FGGY: variants seen among roughly 807,000 people sequenced by gnomAD.
FGGY encodes the protein FGGY carbohydrate kinase domain-containing protein.
In FGGY, 72 loss-of-function variants were observed where a neutral mutation model predicts 71.3. The observed-to-expected ratio is 1.01, with a 90% confidence interval of 0.84 to 1.23. The LOEUF (loss-of-function observed/expected upper bound fraction) is 1.23. Among genes scored for constraint, FGGY ranks in the 50% most tolerant of loss-of-function variants. The pLI, the probability that FGGY is intolerant of heterozygous loss-of-function variation, is 0.00. For missense variants in FGGY, 668 were observed against 682.3 expected, an observed-to-expected ratio of 0.98 and a Z score of 0.23; for synonymous variants, 251 against 250.3, an observed-to-expected ratio of 1.00 and a Z score of -0.02.
chr1:59,438,607 T>A (rs2069040820), intron 5 of FGGY, among the ~76,000 whole-genome samples: 1 of 152,226 alleles, frequency 6.6e-6, no homozygotes, highest in African/African-American at 2.4e-5. Flanking sequence ...TAGTTCCCTG[T>A]GGATTCATTA....
chr1:59,572,034 G>A (rs893192643), intron 8 of FGGY, among the ~76,000 whole-genome samples: 2 of 152,192 alleles, frequency 1.3e-5, no homozygotes, highest in African/African-American at 4.8e-5. Flanking sequence ...GATGCTTTCA[G>A]GAAGAGCTTG....
At chr1:59,433,699 A>G (rs1195081631) in intron 5 of FGGY, among the ~76,000 whole-genome samples, 1 of 152,212 alleles carries the variant, frequency 6.6e-6, no homozygotes, top group African/African-American at 2.4e-5. Flanking sequence ...CTGGTGACAC[A>G]TAGAGCCCAA....
intron 9 of FGGY, among the ~76,000 whole-genome samples, chr1:59,623,648 C>T (rs527269013): frequency 1.0e-3 from 152 of 152,310 alleles, no homozygotes; most frequent in African/African-American, 3.5e-3. Context: ...TGCCTTGCCT[C>T]TAGCCCTTTA....
intron 8 of FGGY, among the ~76,000 whole-genome samples, chr1:59,576,673 G>GACACACACACACACAC (rs757918588): frequency 7.6e-6 from 1 of 132,288 alleles, no homozygotes; most frequent in African/African-American, 2.9e-5. Flanking sequence ...CAGACAGACA[G>GACACACACACACACAC]ACAGACACAC....
At chr1:59,621,866 A>AT (rs1018705469) in intron 9 of FGGY, among the ~76,000 whole-genome samples, 9 of 150,780 alleles carry the variant, frequency 6.0e-5, no homozygotes, top group African/African-American at 1.7e-4. Context: ...TCAGCATTTA[A>AT]TTTTTTTTTG....
intron 2 of FGGY, among the ~76,000 whole-genome samples, chr1:59,325,187 A>G (rs967248348): frequency 2.2e-5 from 3 of 133,336 alleles, no homozygotes. Flanking sequence ...CCCTGTCTCT[A>G]CTAAAAATAC....
At chr1:59,590,462 A>C (rs1231359923) in intron 8 of FGGY, among the ~76,000 whole-genome samples, 2 of 152,206 alleles carry the variant, frequency 1.3e-5, no homozygotes, top group African/African-American at 4.8e-5. Flanking sequence ...TCCTGATACC[A>C]AAGCCTGGCA....
At chr1:59,482,570 A>ATG (rs5774470) in intron 6 of FGGY, among the ~76,000 whole-genome samples, 35,244 of 147,776 alleles carry the variant, frequency 0.24, 5,979 homozygotes, top group African/African-American at 0.48. Context: ...GTGTATATAT[A>ATG]TGTGTGTGTG....
chr1:59,342,441 A>C (rs998904467), intron 3 of FGGY, among the ~76,000 whole-genome samples: 2 of 152,140 alleles, frequency 1.3e-5, no homozygotes, highest in African/African-American at 4.8e-5. Flanking sequence ...CAAATCCTCT[A>C]TTAAAAAGGT....
rs1261866648 is a variant in FGGY, at chr1:59,730,261, G to A, written c.1513-27670G>A. Among the ~76,000 whole-genome samples the A allele has an allele frequency of 2.7e-5, 4 of 150,294 alleles. No individual in the cohort carries two copies. The East Asian group carries it at 7.8e-4, about 29-fold the overall frequency. On this transcript the variant is annotated intron_variant, in intron 14 of 15. Coordinates refer to ENST00000303721, the MANE Select transcript of FGGY (RefSeq NM_018291.5). Reference sequence around the variant, plus strand: ...GGTGATAGTTTGTCCTGTAACCTCAGTTCTCTTATGGATCCAACAAAAATC... The same window carrying A: ...GGTGATAGTTTGTCCTGTAACCTCAATTCTCTTATGGATCCAACAAAAATC...
At chr1:59,692,012 C>A (rs1288763476) in intron 14 of FGGY, among the ~76,000 whole-genome samples, 5 of 152,110 alleles carry the variant, frequency 3.3e-5, no homozygotes, top group African/African-American at 7.2e-5. Flanking sequence ...TCAACAAATA[C>A]CCCCAAGGTA....
At chr1:59,695,787 G>A (rs1193955062) in intron 14 of FGGY, among the ~76,000 whole-genome samples, 1 of 152,154 alleles carries the variant, frequency 6.6e-6, no homozygotes, top group Non-Finnish European at 1.5e-5. Flanking sequence ...CAGAAATACG[G>A]AAGAGTAAGC....
intron 2 of FGGY, among the ~76,000 whole-genome samples, chr1:59,330,581 A>AG (rs1017065334): frequency 2.0e-5 from 3 of 149,178 alleles, no homozygotes; most frequent in African/African-American, 7.7e-5. Context: ...AAAAAAAAAA[A>AG]AGAAAAGAAA....
intron 8 of FGGY, among the ~76,000 whole-genome samples, chr1:59,602,079 A>G (rs2096583649): frequency 6.6e-6 from 1 of 152,192 alleles, no homozygotes; most frequent in Admixed American, 6.5e-5. Flanking sequence ...GGCTAGAACA[A>G]CTCAGCTTCA....
At chr1:59,438,655 C>T (rs1217479652) in intron 5 of FGGY, among the ~76,000 whole-genome samples, 1 of 152,148 alleles carries the variant, frequency 6.6e-6, no homozygotes, top group Non-Finnish European at 1.5e-5. Flanking sequence ...CTGTGTTTGG[C>T]ACATACCAGT....
At chr1:59,335,599 G>A (rs1027149296) in intron 2 of FGGY, among the ~76,000 whole-genome samples, 13 of 152,168 alleles carry the variant, frequency 8.5e-5, no homozygotes, top group Non-Finnish European at 1.5e-4. Context: ...GCCGGGTTGT[G>A]TGGTAAGATG....
chr1:59,674,205 C>T lies in FGGY; in HGVS notation c.1512+72C>T, dbSNP rs746111702. On this transcript the variant is annotated intron_variant, in intron 14 of 15. Coordinates refer to ENST00000303721, the MANE Select transcript of FGGY (RefSeq NM_018291.5). ...GCCATCCTTCCTCTTGACAGCAGCTCGCATTTTACAAAATACACACAGGAT... is the reference window on the plus strand; with the variant it reads ...GCCATCCTTCCTCTTGACAGCAGCTTGCATTTTACAAAATACACACAGGAT... 3.3e-4 allele frequency: 373 copies of T among 1,141,822 alleles called. 1 individual carries two copies. The highest frequency in any genetic ancestry group is 4.5e-4 in the Non-Finnish European group (346 of 776,246). The allele number at this position is 1,141,822 out of a possible 1,614,324, so 70.7% of individuals were successfully genotyped here.
chr1:59,353,814 C>G (rs539073621), intron 4 of FGGY, among the ~76,000 whole-genome samples: 163 of 152,258 alleles, frequency 1.1e-3, no homozygotes, highest in African/African-American at 3.7e-3. Flanking sequence ...ACACCATTAG[C>G]TCTGTTCCCT....
At chr1:59,664,371 A>G (rs1421480287) in intron 12 of FGGY, among the ~76,000 whole-genome samples, 1 of 152,230 alleles carries the variant, frequency 6.6e-6, no homozygotes, top group African/African-American at 2.4e-5. Context: ...GGGAAATTCC[A>G]GCCGACAATA....
Sources: gnomAD v4.1 joint callset for allele counts (sites outside exome capture counted in the v4.1 genomes callset) on GRCh38, gnomAD v4.1.1 for gene constraint, MANE v1.5 for transcripts, NCBI Gene and HGNC (gene_info 2026-07-23, HGNC 2026-07-21) for gene names.